COL5A2: variants seen among roughly 807,000 people sequenced by gnomAD.
The protein encoded by COL5A2 is collagen type V alpha 2 chain.
A neutral mutation model predicts 208.2 loss-of-function variants in COL5A2; 23 were observed. The ratio of observed to expected loss-of-function variants is 0.11; its 90% CI spans 0.08 to 0.16. The LOEUF (loss-of-function observed/expected upper bound fraction) is 0.16, where lower values mean the gene tolerates loss of function less well. COL5A2 is among the 10% of genes least tolerant of loss of function. The probability of loss-of-function intolerance (pLI) is 1.00; values close to 1 mark genes in which losing one functional copy is unlikely to be tolerated. For missense variants in COL5A2, 1,590 were observed against 1,956.4 expected (o/e 0.81, Z 3.53); for synonymous variants, 625 against 628.5 (o/e 0.99, Z 0.08).
At chr2:189,171,110 T>TGAGA (rs1204928357) in intron 1 of COL5A2, among the ~76,000 whole-genome samples, 10 of 150,612 alleles carry the variant, frequency 6.6e-5, no homozygotes, top group Admixed American at 1.3e-4. Flanking sequence ...AGAGAGAGAG[T>TGAGA]GAGAGAGAGA....
intron 1 of COL5A2, among the ~76,000 whole-genome samples, chr2:189,192,332 A>G (rs960756932): frequency 1.3e-5 from 2 of 152,350 alleles, no homozygotes; most frequent in East Asian, 3.9e-4. Flanking sequence ...GAAGTGTGAC[A>G]TTTCTCATAG....
Position 189,098,030 on chromosome 2 carries a change from GTTT to G in COL5A2, c.402+694_402+696del, listed in dbSNP as rs749683099. Among the ~76,000 whole-genome samples, 684 of 151,438 alleles carry G rather than the reference GTTT, an allele frequency of 4.5e-3. 8 individuals carry two copies. The highest frequency in any genetic ancestry group is 0.015 in the African/African-American group (603 of 41,064). On this transcript the variant is annotated intron_variant, in intron 5 of 53. Coordinates refer to ENST00000374866, the MANE Select transcript of COL5A2 (RefSeq NM_000393.5). ...TGTTATTGTGCTGATATCTTAAAAT[GTTT>G]TTCCCCCCCTGGGAAATGGCTGTTG...
the COL5A2 span, among the ~76,000 whole-genome samples, chr2:189,364,684 A>G: frequency 2.0e-5 from 3 of 151,172 alleles, no homozygotes; most frequent in African/African-American, 7.4e-5. Flanking sequence ...ACTCTGTCTC[A>G]GAAAAAAAAA....
the COL5A2 span, among the ~76,000 whole-genome samples, chr2:189,324,252 T>C: frequency 6.6e-6 from 1 of 152,160 alleles, no homozygotes; most frequent in African/African-American, 2.4e-5. Context: ...GACATAAGCA[T>C]GGGCAAGGAT....
rs917068320 is a variant in COL5A2 at position 189,155,089 on chromosome 2, C to T, written c.97+24419G>A. Among the ~76,000 whole-genome samples the T allele has an allele frequency of 8.5e-5, 13 of 152,130 alleles. 1 individual carries two copies. Among genetic ancestry groups the T allele is most frequent in the African/African-American group, 3.1e-4 (13 of 41,428 alleles). On this transcript the variant is annotated intron_variant, in intron 1 of 53. Transcript: ENST00000374866. ...TGAGCTCCTGGGCTCAAGGGACCCT[C>T]CCACCTCAGCCTCCTAAGTAACTGG...
At chr2:189,369,949 C>T in the COL5A2 span, among the ~76,000 whole-genome samples, 2 of 152,156 alleles carry the variant, frequency 1.3e-5, no homozygotes, top group Admixed American at 1.3e-4. Context: ...CAGCTTTACC[C>T]ATAAATTTAT....
At chr2:189,403,527 C>T in the COL5A2 span, among the ~76,000 whole-genome samples, 2 of 152,090 alleles carry the variant, frequency 1.3e-5, no homozygotes, top group African/African-American at 4.8e-5. Context: ...AAGCTTTTGC[C>T]CATTCAGTAT....
At chr2:189,230,219 A>C (rs1689463230), upstream of COL5A2, among the ~76,000 whole-genome samples, 1 of 151,904 alleles carries the variant, frequency 6.6e-6, no homozygotes, top group Non-Finnish European at 1.5e-5. Flanking sequence ...GAAACTATAA[A>C]ATTCCTAGAC....
intron 1 of COL5A2, among the ~76,000 whole-genome samples, chr2:189,208,102 C>T (rs922894559): frequency 1.6e-4 from 24 of 152,224 alleles, no homozygotes; most frequent in African/African-American, 5.8e-4. Context: ...CTCTCAACTC[C>T]CCTCTTAAAT....
chr2:189,268,397 G>C, the COL5A2 span, among the ~76,000 whole-genome samples: 1 of 152,084 alleles, frequency 6.6e-6, no homozygotes, highest in African/African-American at 2.4e-5. Context: ...ATTGTTTCCA[G>C]ACCTCATGCT....
the COL5A2 span, among the ~76,000 whole-genome samples, chr2:189,355,375 T>TG: frequency 3.3e-5 from 5 of 152,194 alleles, no homozygotes; most frequent in East Asian, 9.7e-4. Flanking sequence ...ATATTGACAG[T>TG]GGGGTGTTAA....
chr2:189,282,199 A>AATAT, the COL5A2 span, among the ~76,000 whole-genome samples: 6 of 151,136 alleles, frequency 4.0e-5, no homozygotes, highest in African/African-American at 1.5e-4. Context: ...TATATAAATA[A>AATAT]ATATATATAT....
At chr2:189,182,665 C>T (rs1422145258), upstream of COL5A2, among the ~76,000 whole-genome samples, 1 of 152,122 alleles carries the variant, frequency 6.6e-6, no homozygotes, top group Non-Finnish European at 1.5e-5. Flanking sequence ...GGAAGAATAA[C>T]AGAAAAACAA....
chr2:189,348,256 CAT>C, the COL5A2 span, among the ~76,000 whole-genome samples: 1 of 152,016 alleles, frequency 6.6e-6, no homozygotes, highest in Non-Finnish European at 1.5e-5. Context: ...TTTAAAAAAA[CAT>C]ATTATCACCA....
At chr2:189,136,787 C>T (rs1391471224) in intron 1 of COL5A2, among the ~76,000 whole-genome samples, 1 of 151,982 alleles carries the variant, frequency 6.6e-6, no homozygotes, top group Non-Finnish European at 1.5e-5. Flanking sequence ...CAAGTAATCA[C>T]ACTGCTTTTT....
chr2:189,424,166 T>A, the COL5A2 span, among the ~76,000 whole-genome samples: 1 of 152,138 alleles, frequency 6.6e-6, no homozygotes, highest in African/African-American at 2.4e-5. Flanking sequence ...ATTAAAAAAC[T>A]GTGAATAAAT....
intron 44 of COL5A2, among the ~76,000 whole-genome samples, chr2:189,048,786 T>C (rs1193433040): frequency 6.6e-6 from 1 of 152,188 alleles, no homozygotes; most frequent in African/African-American, 2.4e-5. Flanking sequence ...TTACATTAAC[T>C]GTTTGATGAT....
the COL5A2 span, among the ~76,000 whole-genome samples, chr2:189,389,935 T>A: frequency 6.6e-6 from 1 of 152,126 alleles, no homozygotes; most frequent in Non-Finnish European, 1.5e-5. Flanking sequence ...ACCAACATAT[T>A]TTCTCTTTTG....
intron 31 of COL5A2, 147 bp from the exon 32 acceptor site, chr2:189,059,040 A>G: frequency 1.5e-6 from 1 of 654,556 alleles, no homozygotes. Context: ...AAAAGTACGT[A>G]TATTTTTATA....
Sources: gnomAD v4.1 joint callset for allele counts (sites outside exome capture counted in the v4.1 genomes callset) on GRCh38, gnomAD v4.1.1 for gene constraint, MANE v1.5 for transcripts, NCBI Gene and HGNC (gene_info 2026-07-23, HGNC 2026-07-21) for gene names.